SLC29A4: variants seen among roughly 807,000 people sequenced by gnomAD.
The protein encoded by SLC29A4 is equilibrative nucleoside transporter 4.
A neutral mutation model predicts 43.9 loss-of-function variants in SLC29A4; 36 were observed. The ratio of observed to expected loss-of-function variants is 0.82; its 90% CI spans 0.63 to 1.08. The LOEUF is 1.08. Among genes scored for constraint, SLC29A4 ranks in the 50% least tolerant of loss-of-function variants. The pLI is 0.00. For synonymous variants in SLC29A4, 491 were observed against 338.0 expected, an observed-to-expected ratio of 1.45 and a Z score of -4.97; for missense variants, 869 against 755.3, an observed-to-expected ratio of 1.15 and a Z score of -1.77.
At chr7:5,300,316 G>A (rs756153357) in intron 9 of SLC29A4, 106 bp from the exon 10 acceptor site, 548 of 1,546,072 alleles carry the variant, frequency 3.5e-4, no homozygotes, top group Non-Finnish European at 4.5e-4. Flanking sequence ...GAGCTGGACA[G>A]GCCCAGGAGT....
At chr7:5,298,214 C>G (rs3902962) in intron 7 of SLC29A4, among the ~76,000 whole-genome samples, 1 of 152,078 alleles carries the variant, frequency 6.6e-6, no homozygotes, top group Admixed American at 6.5e-5. Context: ...CCCCCAGACC[C>G]AGAGAGGGGC....
rs144104481 is a variant in SLC29A4, at chr7:5,297,067, T to C, written c.751T>C (p.Leu251=). 2 of 1,607,904 alleles carry C rather than the reference T, an allele frequency of 1.2e-6. No individual in the cohort carries two copies. Among genetic ancestry groups the C allele is most frequent in the African/African-American group, 2.7e-5 (2 of 74,842 alleles). Residue 251 remains leucine, a synonymous_variant, in exon 7 of 11, where the codon TTA becomes CTA. Transcript: ENST00000396872. The stretch of plus-strand genomic sequence containing the variant: ...GCTGCTGTGTTTCCTGCTGCACCTG[T>C]TAGTGCGGCGCAGCCGCTTCGTGCT... ...LELLCFLLHL[L]VRRSRFVLFY...
intron 4 of SLC29A4, among the ~76,000 whole-genome samples, chr7:5,291,460 T>A (rs1276045728): frequency 6.6e-6 from 1 of 152,244 alleles, no homozygotes; most frequent in African/African-American, 2.4e-5. Flanking sequence ...TCCAGTGTGT[T>A]CTTCCTTTCC....
rs902186140 is a variant in SLC29A4 at position 5,306,815 on chromosome 7, CTTTT to C, written c.*3882_*3885del. ...TTTTATTTTTCCAATTAAATCTTTT[CTTTT>C]TTTTTATGAAAAAAGATCACACAGA... On this transcript the variant is annotated 3_prime_UTR_variant, in exon 11 of 11. Coordinates refer to ENST00000396872, the MANE Select transcript of SLC29A4 (RefSeq NM_153247.4). 4.6e-5 allele frequency: 7 copies of C among 150,990 alleles called. No individual in the cohort carries two copies. The highest frequency in any genetic ancestry group is 1.0e-4 in the Non-Finnish European group (7 of 67,754). The allele number at this position is 150,990 out of a possible 1,614,324, so 9.4% of individuals were successfully genotyped here. A position where few individuals can be genotyped will look rare whatever the true frequency, so the allele number is the denominator to read the frequency against.
At chr7:5,296,248 C>G (rs1785649291) in intron 6 of SLC29A4, among the ~76,000 whole-genome samples, 1 of 151,982 alleles carries the variant, frequency 6.6e-6, no homozygotes, top group Non-Finnish European at 1.5e-5. Flanking sequence ...CTTTCTGCCC[C>G]CTGCCTGAAT....
rs1405191087 is a variant in SLC29A4 at position 5,287,866 on chromosome 7, C to A, written c.50C>A (p.Thr17Lys). The A allele has an allele frequency of 1.4e-5, 23 of 1,612,026 alleles. No homozygotes were observed. Among genetic ancestry groups the A allele is most frequent in the Non-Finnish European group, 1.9e-5 (22 of 1,179,848 alleles). ...CTTGAGGAGCCCAGCGTGGCAGGCA[C>A]ACCAGACCCGGGCGTAGTGATGAGC... ...QRLEEPSVAG[T>K]PDPGVVMSFT... Residue 17 changes from threonine to lysine, a missense_variant, in exon 2 of 11, where the codon ACA (threonine) becomes AAA (lysine). Coordinates refer to ENST00000396872, the MANE Select transcript of SLC29A4 (RefSeq NM_153247.4).
At chr7:5,287,696 T>A in intron 1 of SLC29A4, 113 bp from the exon 2 acceptor site, 2 of 1,113,708 alleles carry the variant, frequency 1.8e-6, no homozygotes, top group Non-Finnish European at 2.5e-6. Flanking sequence ...GGCCAACGAG[T>A]GTGACCAAAG....
Position 5,304,839 on chromosome 7 carries a change from C to T in SLC29A4, c.*1900C>T, listed in dbSNP as rs1786401701. ...TTTTGTTTTTTCTTTCTTTACAAGA[C>T]AGGCTCTCGCTCTGTCACTGAGGCT... On this transcript the variant is annotated 3_prime_UTR_variant, in exon 11 of 11. Transcript: ENST00000396872. 6.6e-6 allele frequency: 1 copy of T among 152,014 alleles called. No homozygotes were observed. The highest frequency in any genetic ancestry group is 6.6e-5 in the Admixed American group (1 of 15,246). The allele number at this position is 152,014 out of a possible 1,614,324, so 9.4% of individuals were successfully genotyped here. A position where few individuals can be genotyped will look rare whatever the true frequency, so the allele number is the denominator to read the frequency against.
At chr7:5,286,537 A>AG (rs1784961830) in intron 1 of SLC29A4, among the ~76,000 whole-genome samples, 3 of 137,706 alleles carry the variant, frequency 2.2e-5, no homozygotes, top group Middle Eastern at 3.6e-3. Context: ...AAAAAAAAGA[A>AG]AAAAGAAAAA....
At chr7:5,296,496 T>C in intron 6 of SLC29A4, among the ~76,000 whole-genome samples, 1 of 115,324 alleles carries the variant, frequency 8.7e-6, no homozygotes, top group Non-Finnish European at 1.8e-5. Context: ...ACTCAGGACT[T>C]AGAGGGAGCG....
chr7:5,298,154 C>T (rs1369971151), intron 7 of SLC29A4, among the ~76,000 whole-genome samples: 1 of 152,140 alleles, frequency 6.6e-6, no homozygotes, highest in Non-Finnish European at 1.5e-5. Flanking sequence ...GTCACCTGGG[C>T]CCTTGGCTGG....
chr7:5,283,780 C>CA (rs1424088287), intron 1 of SLC29A4, among the ~76,000 whole-genome samples: 2 of 152,204 alleles, frequency 1.3e-5, no homozygotes, highest in East Asian at 3.8e-4. Context: ...AGGGGTGTAC[C>CA]AGGCATCAAC....
At chr7:5,300,725 G>T in intron 10 of SLC29A4, 63 bp downstream of exon 10, 1 of 1,574,632 alleles carries the variant, frequency 6.4e-7, no homozygotes, top group East Asian at 2.3e-5. Flanking sequence ...CCCCTCGCGA[G>T]GAAACCCAGG....
rs1383271413 is a variant in SLC29A4 at position 5,291,778 on chromosome 7, C to A, written c.501C>A (p.Ala167=). The A allele has an allele frequency of 6.2e-7, 1 of 1,612,002 alleles. No individual in the cohort carries two copies. The highest frequency in any genetic ancestry group is 8.5e-7 in the Non-Finnish European group (1 of 1,179,818). ...LQLFSRDQAY[A]INLAAVGTVA... is the part of the protein sequence containing the mutation. ...TCTTCTCTCGGGACCAGGCCTACGCCATCAACCTGGCCGCTGTGGGCACCG... is the reference window on the plus strand; with the variant it reads ...TCTTCTCTCGGGACCAGGCCTACGCAATCAACCTGGCCGCTGTGGGCACCG... Residue 167 remains alanine (A), a synonymous_variant, in exon 5 of 11, where the codon GCC becomes GCA. Coordinates refer to ENST00000396872, the MANE Select transcript of SLC29A4 (RefSeq NM_153247.4).
intron 10 of SLC29A4, 126 bp downstream of exon 10, chr7:5,300,788 C>A: frequency 7.6e-7 from 1 of 1,308,756 alleles, no homozygotes. Context: ...CAGTCAGTGT[C>A]TGGGAGGCCG....
chr7:5,297,199 G>C lies in SLC29A4; in HGVS notation c.882+1G>C. On this transcript the variant is annotated splice_donor_variant, in intron 7 of 10. Coordinates refer to ENST00000396872, the MANE Select transcript of SLC29A4 (RefSeq NM_153247.4). LOFTEE classifies it high-confidence loss of function. ...CGTTGTCGCCGGGGACGTCCACTTCGTAAGTGCGCACCGCCCACCTCTGTT... is the reference window on the plus strand; with the variant it reads ...CGTTGTCGCCGGGGACGTCCACTTCCTAAGTGCGCACCGCCCACCTCTGTT... 1.9e-6 allele frequency: 3 copies of C among 1,581,884 alleles called. No individual in the cohort carries two copies. The highest frequency in any genetic ancestry group is 2.6e-6 in the Non-Finnish European group (3 of 1,169,034).
chr7:5,289,911 A>T (rs1033654503), intron 2 of SLC29A4, among the ~76,000 whole-genome samples: 7 of 152,098 alleles, frequency 4.6e-5, no homozygotes, highest in Non-Finnish European at 1.5e-5. Flanking sequence ...TTTTGAAAAC[A>T]GTCTCGTGCT....
At position 5,300,479 on chromosome 7, in the gene SLC29A4, C is replaced by G; in HGVS notation, c.1267C>G (p.Leu423Val). Reference sequence around the variant, plus strand: ...CACCCACCTGCTGGCCTGCTCCTGCCTGCGTGTGGTCTTCATCCCCCTCTT... The same window carrying G: ...CACCCACCTGCTGGCCTGCTCCTGCGTGCGTGTGGTCTTCATCCCCCTCTT... ...RGTHLLACSC[L>V]RVVFIPLFIL... Residue 423 changes from leucine to valine, a missense_variant, in exon 10 of 11, where the codon CTG becomes GTG. Transcript: ENST00000396872. 1.2e-6 allele frequency: 2 copies of G among 1,611,776 alleles called. No individual in the cohort carries two copies. Among genetic ancestry groups the G allele is most frequent in the Non-Finnish European group, 1.7e-6 (2 of 1,179,770 alleles).
chr7:5,300,788 C>T, intron 10 of SLC29A4, 126 bp downstream of exon 10: 7 of 1,308,758 alleles, frequency 5.3e-6, no homozygotes, highest in Non-Finnish European at 7.2e-6. Context: ...CAGTCAGTGT[C>T]TGGGAGGCCG....
Sources: gnomAD v4.1 joint callset for allele counts (sites outside exome capture counted in the v4.1 genomes callset) on GRCh38, gnomAD v4.1.1 for gene constraint, MANE v1.5 for transcripts, NCBI Gene and HGNC (gene_info 2026-07-23, HGNC 2026-07-21) for gene names.